IL34: variants seen among roughly 807,000 people sequenced by gnomAD.
The protein encoded by IL34 is interleukin 34.
Under a neutral mutation model 25.3 loss-of-function variants are expected in IL34, and 17 were observed. That is an observed-to-expected ratio of 0.67 (90% confidence interval 0.46 to 1.01). The LOEUF (loss-of-function observed/expected upper bound fraction) is 1.01. Among genes scored for constraint, IL34 ranks in the 50% least tolerant of loss-of-function variants. The pLI is 0.00. For synonymous variants in IL34, 174 were observed against 140.9 expected, an observed-to-expected ratio of 1.23 and a Z score of -1.66; for missense variants, 368 against 312.9, an observed-to-expected ratio of 1.18 and a Z score of -1.33.
At position 70,660,306 on chromosome 16, in the gene IL34, A is replaced by C; in HGVS notation, c.*119A>C. ...CCCCCTTGGGAGAGGACCCCTGGGA[A>C]GGGTGTTTTTCCTTTGAGGGGGATT... On this transcript the variant is annotated 3_prime_UTR_variant, in exon 6 of 6. Transcript: ENST00000288098. The C allele has an allele frequency of 1.1e-6, 1 of 939,028 alleles. No homozygotes were observed. The highest frequency in any genetic ancestry group is 2.8e-5 in the East Asian group (1 of 35,726). The allele number at this position is 939,028 out of a possible 1,614,324, so 58.2% of individuals were successfully genotyped here.
At chr16:70,623,442 ATTGTAAGGAGAGT>A (rs918124824) in intron 1 of IL34, among the ~76,000 whole-genome samples, 2 of 151,698 alleles carry the variant, frequency 1.3e-5, no homozygotes, top group Non-Finnish European at 2.9e-5. Flanking sequence ...AAATGGGGGA[ATTGTAAGGAGAGT>A]TTATAGGCTT....
intron 1 of IL34, among the ~76,000 whole-genome samples, chr16:70,586,651 TG>T (rs2050698231): frequency 6.6e-6 from 1 of 152,022 alleles, no homozygotes. Flanking sequence ...CAGAGTGGCG[TG>T]GGGTAGATGT....
At position 70,633,161 on chromosome 16, in the gene IL34, C is replaced by T. The variant is rs562975369; in HGVS notation, c.-400-13387C>T. Among the ~76,000 whole-genome samples the T allele has an allele frequency of 9.3e-5, 14 of 150,694 alleles. No individual in the cohort carries two copies. The East Asian group carries it at 2.0e-3, about 21-fold the overall frequency. On this transcript the variant is annotated intron_variant, in intron 1 of 6. Transcript: ENST00000429149. ...TGTATTTTTAGTAGAGACAGGGTTT[C>T]GCCATGTTGCCCAGGCATGTCTCAA...
chr16:70,637,178 A>G (rs2051674992), intron 1 of IL34, among the ~76,000 whole-genome samples: 1 of 150,918 alleles, frequency 6.6e-6, no homozygotes, highest in Non-Finnish European at 1.5e-5. Context: ...CCCATTTTTA[A>G]TTTTTTCAGT....
At chr16:70,654,301 C>T (rs1479621061) in intron 1 of IL34, 1 of 392,098 alleles carries the variant, frequency 2.6e-6, no homozygotes, top group Non-Finnish European at 4.5e-6. Context: ...TGGGGGGCTC[C>T]AGTGGCCGGC....
intron 1 of IL34, 55 bp from the exon 2 acceptor site, chr16:70,654,483 A>T (rs2052161163): frequency 1.3e-6 from 2 of 1,533,858 alleles, no homozygotes; most frequent in Admixed American, 1.9e-5. Context: ...CGTGTTGTGG[A>T]CGGCGTGGAT....
chr16:70,611,794 A>C (rs1232011249), intron 1 of IL34, among the ~76,000 whole-genome samples: 1 of 151,828 alleles, frequency 6.6e-6, no homozygotes. Flanking sequence ...CAGTGAGCCG[A>C]GATCACACCA....
chr16:70,646,751 T>A lies in IL34; in HGVS notation c.-197T>A. 1.9e-6 allele frequency: 1 copy of A among 523,068 alleles called. No individual in the cohort carries two copies. Among genetic ancestry groups the A allele is most frequent in the Non-Finnish European group, 3.3e-6 (1 of 304,548 alleles). 32.4% of individuals were successfully genotyped at this position (523,068 alleles called of 1,614,324 possible). A position where few individuals can be genotyped will look rare whatever the true frequency, so the allele number is the denominator to read the frequency against. Reference sequence around the variant, plus strand: ...ACCGCCCCCCGGCTGTCCTCCACGCTGCCGGGCAGATAAGGGCAGCTGCTG... The same window carrying A: ...ACCGCCCCCCGGCTGTCCTCCACGCAGCCGGGCAGATAAGGGCAGCTGCTG... On this transcript the variant is annotated 5_prime_UTR_variant, in exon 1 of 6. Coordinates refer to ENST00000288098, the MANE Select transcript of IL34 (RefSeq NM_001393494.1).
rs2051480585 is a variant in IL34 at position 70,629,909 on chromosome 16, AC to A, written c.-400-16638del. Among the ~76,000 whole-genome samples, 5 of 152,040 alleles carry A rather than the reference AC, an allele frequency of 3.3e-5. No homozygotes were observed. In the South Asian group the frequency reaches 1.0e-3, roughly 32 times the overall value. ...TAAAAAATGTACAATTACATTATTG[AC>A]TCTAGTCACCCTGTTGTGTTATCAA... is the stretch of plus-strand genomic sequence containing the variant. On this transcript the variant is annotated intron_variant, in intron 1 of 6. Transcript: ENST00000429149.
At chr16:70,611,833 G>A (rs2051095659) in intron 1 of IL34, among the ~76,000 whole-genome samples, 1 of 151,746 alleles carries the variant, frequency 6.6e-6, no homozygotes, top group South Asian at 2.1e-4. Context: ...GACAGAGCAA[G>A]ACTCTGTCTT....
chr16:70,590,872 T>A (rs755906936), intron 1 of IL34, among the ~76,000 whole-genome samples: 15 of 151,986 alleles, frequency 9.9e-5, no homozygotes, highest in Non-Finnish European at 2.2e-4. Context: ...GTTCCTGGGG[T>A]CAGGGGTGCC....
chr16:70,586,901 C>T, intron 1 of IL34, among the ~76,000 whole-genome samples: 1 of 152,216 alleles, frequency 6.6e-6, no homozygotes, highest in East Asian at 1.9e-4. Flanking sequence ...CCTGTGGCGG[C>T]CACCTGGTTT....
At chr16:70,657,274 G>A (rs1176095923) in intron 4 of IL34, 153 bp downstream of exon 4, 2 of 797,944 alleles carry the variant, frequency 2.5e-6, no homozygotes, top group Non-Finnish European at 3.9e-6. Flanking sequence ...GGGGAGGGGT[G>A]CAGGAAAAGA....
intron 1 of IL34, among the ~76,000 whole-genome samples, chr16:70,583,959 A>C (rs1283237977): frequency 6.6e-6 from 1 of 152,048 alleles, no homozygotes; most frequent in African/African-American, 2.4e-5. Flanking sequence ...GCCCAGGGCA[A>C]TTAGGCTTCT....
chr16:70,616,946 C>A (rs887415550), intron 1 of IL34, among the ~76,000 whole-genome samples: 12 of 151,992 alleles, frequency 7.9e-5, no homozygotes, highest in Non-Finnish European at 1.6e-4. Context: ...TAAGAAAAAT[C>A]AAAATAGTGT....
intron 1 of IL34, among the ~76,000 whole-genome samples, chr16:70,614,045 G>A (rs148259334): frequency 0.01 from 1,570 of 151,770 alleles, 23 homozygotes; most frequent in African/African-American, 0.035. Flanking sequence ...TTATCCAGGC[G>A]TGGTGGTGCA....
At position 70,654,567 on chromosome 16, in the gene IL34, G is replaced by C; in HGVS notation, c.58G>C (p.Gly20Arg). Residue 20 changes from glycine to arginine, a missense_variant, in exon 2 of 6, where the codon GGG (glycine) becomes CGG (arginine). By Grantham distance (125) the Gly-to-Arg change is moderately radical. Transcript: ENST00000288098. ...YLGIFLGVAL[G>R]NEPLEMWPLT... ...TGGGATCTTCCTTGGCGTGGCCTTG[G>C]GGAATGAGCCTTTGGAGATGTGGCC... is the stretch of plus-strand genomic sequence containing the variant. The C allele has an allele frequency of 6.2e-7, 1 of 1,613,260 alleles. No individual in the cohort carries two copies. Among genetic ancestry groups the C allele is most frequent in the Non-Finnish European group, 8.5e-7 (1 of 1,179,408 alleles).
intron 1 of IL34, among the ~76,000 whole-genome samples, chr16:70,639,258 A>G (rs148942985): frequency 2.7e-4 from 41 of 152,282 alleles, no homozygotes; most frequent in Middle Eastern, 3.4e-3. Context: ...ATAATGGGAA[A>G]ATGCACGTCC....
intron 1 of IL34, among the ~76,000 whole-genome samples, chr16:70,619,503 A>C (rs12599523): frequency 6.7e-6 from 1 of 149,408 alleles, no homozygotes; most frequent in Non-Finnish European, 1.5e-5. Flanking sequence ...CTAAGTTGGC[A>C]CCAGAGTTGG....
Sources: gnomAD v4.1 joint callset for allele counts (sites outside exome capture counted in the v4.1 genomes callset) on GRCh38, gnomAD v4.1.1 for gene constraint, MANE v1.5 for transcripts, NCBI Gene and HGNC (gene_info 2026-07-23, HGNC 2026-07-21) for gene names.